The following TNFRSF1B variants were observed in gnomAD, a reference collection of about 807,000 sequenced individuals.
TNFRSF1B encodes TNF receptor superfamily member 1B.
TNFRSF1B carries 19 observed loss-of-function variants against 44.6 expected under a neutral mutation model. The ratio of observed to expected loss-of-function variants is 0.43; its 90% CI spans 0.30 to 0.62. The LOEUF (loss-of-function observed/expected upper bound fraction) is 0.62, where lower values mean the gene tolerates loss of function less well. Ranked by LOEUF, TNFRSF1B falls within the 20% of genes least tolerant of loss-of-function variation. The probability of loss-of-function intolerance (pLI) is 0.16; values close to 1 mark genes in which losing one functional copy is unlikely to be tolerated. For missense variants in TNFRSF1B, 541 were observed against 619.9 expected (o/e 0.87, Z 1.35); for synonymous variants, 252 against 261.1 (o/e 0.97, Z 0.34).
At chr1:12,196,441 T>C (rs893918345) in intron 8 of TNFRSF1B, among the ~76,000 whole-genome samples, 3 of 152,208 alleles carry the variant, frequency 2.0e-5, no homozygotes, top group Non-Finnish European at 4.4e-5. Flanking sequence ...CAATCAAAAA[T>C]TCTCCAGACA....
intron 2 of TNFRSF1B, among the ~76,000 whole-genome samples, chr1:12,190,126 G>A (rs1639079642): frequency 6.6e-6 from 1 of 152,266 alleles, no homozygotes; most frequent in African/African-American, 2.4e-5. Flanking sequence ...ATGAGTACCT[G>A]TCACCGTCCC....
At chr1:12,183,711 T>TTCTA (rs1553163384) in intron 1 of TNFRSF1B, among the ~76,000 whole-genome samples, 6,413 of 92,722 alleles carry the variant, frequency 0.069, 393 homozygotes, top group East Asian at 0.13. Context: ...TATCTATCTA[T>TTCTA]TCTATCTACC....
chr1:12,206,439 G>A (rs566940727), intron 9 of TNFRSF1B, among the ~76,000 whole-genome samples: 52 of 151,904 alleles, frequency 3.4e-4, no homozygotes, highest in Non-Finnish European at 6.6e-4. Context: ...GGGCTCAAGC[G>A]ATCCTACAAA....
At chr1:12,188,478 G>A (rs1354653419) in intron 1 of TNFRSF1B, among the ~76,000 whole-genome samples, 3 of 152,168 alleles carry the variant, frequency 2.0e-5, no homozygotes, top group East Asian at 1.9e-4. Context: ...CCCGTTCTCT[G>A]TGACCAAGGC....
Position 12,207,053 on chromosome 1 carries a change from TG to T in TNFRSF1B, c.*36del, listed in dbSNP as rs767669838. The stretch of plus-strand genomic sequence containing the variant: ...GGTGTGGGCTGTGTCGTAGCCAAGG[TG>T]GGCTGAGCCCTGGCAGGATGACCCT... On this transcript the variant is annotated 3_prime_UTR_variant, in exon 10 of 10. Transcript: ENST00000376259. The T allele has an allele frequency of 6.5e-7, 1 of 1,532,900 alleles. No individual in the cohort carries two copies. The highest frequency in any genetic ancestry group is 8.8e-7 in the Non-Finnish European group (1 of 1,135,578). The allele number at this position is 1,532,900 out of a possible 1,614,324, so 95.0% of individuals were successfully genotyped here.
At chr1:12,183,709 T>TATCC (rs1638885898) in intron 1 of TNFRSF1B, among the ~76,000 whole-genome samples, 2 of 116,384 alleles carry the variant, frequency 1.7e-5, no homozygotes, top group Non-Finnish European at 3.9e-5. Context: ...TCTATCTATC[T>TATCC]ATTCTATCTA....
intron 9 of TNFRSF1B, among the ~76,000 whole-genome samples, chr1:12,205,665 A>G (rs1639486565): frequency 6.6e-6 from 1 of 152,188 alleles, no homozygotes; most frequent in Admixed American, 6.5e-5. Flanking sequence ...TCTTTCGCCC[A>G]GGCTGGAGTG....
At chr1:12,196,736 C>T (rs534428814) in intron 8 of TNFRSF1B, among the ~76,000 whole-genome samples, 4 of 152,302 alleles carry the variant, frequency 2.6e-5, no homozygotes, top group South Asian at 2.1e-4. Flanking sequence ...CCCCGGCGAG[C>T]GAGTTTCACT....
chr1:12,180,634 G>A lies in TNFRSF1B; in HGVS notation c.79-8162G>A, dbSNP rs948896457. ...CTAGTCTTGAGCGAATCTTATACCTGCAGCCCTGTCCACCAGCTGTGCTTC... is the reference window on the plus strand; with the variant it reads ...CTAGTCTTGAGCGAATCTTATACCTACAGCCCTGTCCACCAGCTGTGCTTC... On this transcript the variant is annotated intron_variant, in intron 1 of 9. Transcript: ENST00000376259. This position sits in a 1 kb window ranked among gnomAD's most constrained non-coding sequence, Gnocchi z 4.3. 6.6e-5 allele frequency among the ~76,000 whole-genome samples: 10 copies of A among 152,228 alleles called. No homozygotes were observed. Among genetic ancestry groups the A allele is most frequent in the African/African-American group, 1.2e-4 (5 of 41,460 alleles).
intron 8 of TNFRSF1B, among the ~76,000 whole-genome samples, chr1:12,196,450 C>T (rs1639266019): frequency 6.6e-6 from 1 of 152,238 alleles, no homozygotes; most frequent in Non-Finnish European, 1.5e-5. Context: ...ATTCTCCAGA[C>T]ATCACCAAGT....
chr1:12,197,212 T>C (rs1396317947), intron 8 of TNFRSF1B, among the ~76,000 whole-genome samples: 1 of 152,110 alleles, frequency 6.6e-6, no homozygotes, highest in East Asian at 1.9e-4. Context: ...TCTCCCAAAG[T>C]ACTGGGATGA....
chr1:12,183,694 A>ATCTG (rs1553163428), intron 1 of TNFRSF1B, among the ~76,000 whole-genome samples: 3 of 122,196 alleles, frequency 2.5e-5, no homozygotes, highest in Non-Finnish European at 5.5e-5. Context: ...CTATCTATCT[A>ATCTG]TCTATCTATC....
At chr1:12,200,860 A>G (rs763608751) in intron 8 of TNFRSF1B, among the ~76,000 whole-genome samples, 13 of 152,124 alleles carry the variant, frequency 8.5e-5, no homozygotes, top group Non-Finnish European at 1.6e-4. Flanking sequence ...TCCTCAGGTG[A>G]TCCGCCTGCC....
chr1:12,174,033 G>A (rs1042125874), intron 1 of TNFRSF1B, among the ~76,000 whole-genome samples: 1 of 152,116 alleles, frequency 6.6e-6, no homozygotes, highest in Non-Finnish European at 1.5e-5. Flanking sequence ...GGCTGTTGGC[G>A]GCGCATCCCA....
intron 4 of TNFRSF1B, 175 bp from the exon 5 acceptor site, chr1:12,192,256 G>C (rs1570158367): frequency 1.4e-6 from 1 of 715,998 alleles, no homozygotes; most frequent in Non-Finnish European, 2.5e-6. Flanking sequence ...ATCTGTGTGT[G>C]TGCATGTGTG....
At chr1:12,205,323 T>C (rs1350119247) in intron 9 of TNFRSF1B, among the ~76,000 whole-genome samples, 1 of 151,370 alleles carries the variant, frequency 6.6e-6, no homozygotes, top group Non-Finnish European at 1.5e-5. Flanking sequence ...GGAATGTGGC[T>C]GGAAGGAACC....
At position 12,187,210 on chromosome 1, in the gene TNFRSF1B, G is replaced by A. The variant is rs55744188; in HGVS notation, c.79-1586G>A. On this transcript the variant is annotated intron_variant, in intron 1 of 9. Coordinates refer to ENST00000376259, the MANE Select transcript of TNFRSF1B (RefSeq NM_001066.3). The surrounding 1 kb of genome is among the most constrained non-coding windows in gnomAD (Gnocchi z 5.5). ...CTCTGTCAATTAGGCTGGAAGTGCA[G>A]TGGCATGATCTCAGCTCACTGCAAC... Among the ~76,000 whole-genome samples the A allele has an allele frequency of 1.6e-3, 247 of 150,980 alleles. No individual in the cohort carries two copies. The highest frequency in any genetic ancestry group is 5.9e-3 in the African/African-American group (241 of 41,036).
chr1:12,170,025 G>T (rs1355412357), intron 1 of TNFRSF1B, among the ~76,000 whole-genome samples: 1 of 152,160 alleles, frequency 6.6e-6, no homozygotes, highest in Non-Finnish European at 1.5e-5. Context: ...TGGCCCTGGG[G>T]GCTCTTCCCT....
intron 2 of TNFRSF1B, among the ~76,000 whole-genome samples, chr1:12,189,935 C>T (rs1639074871): frequency 6.6e-6 from 1 of 152,180 alleles, no homozygotes; most frequent in Non-Finnish European, 1.5e-5. Context: ...AAGTCGGAGC[C>T]TGTTTGGTGA....
Sources: allele counts gnomAD v4.1 joint callset (sites outside exome capture counted in the v4.1 genomes callset), GRCh38; gene constraint gnomAD v4.1.1; non-coding constraint Gnocchi (gnomAD v3.1); transcripts MANE v1.5; gene names NCBI Gene and HGNC (gene_info 2026-07-23, HGNC 2026-07-21).